The following VAV1 variants were observed in gnomAD, a reference collection of about 807,000 sequenced individuals.
VAV1 encodes vav guanine nucleotide exchange factor 1.
VAV1 carries 33 observed loss-of-function variants against 128.1 expected under a neutral mutation model. That is an observed-to-expected ratio of 0.26 (90% CI 0.20 to 0.34). The LOEUF (loss-of-function observed/expected upper bound fraction) is 0.34. Ranked by LOEUF, VAV1 falls within the 10% of genes least tolerant of loss-of-function variation. The pLI is 1.00. For synonymous variants in VAV1, 394 were observed against 409.8 expected, an observed-to-expected ratio of 0.96 and a Z score of 0.47; for missense variants, 715 against 1,093.7, an observed-to-expected ratio of 0.65 and a Z score of 4.88.
chr19:6,774,158 C>T (rs1970566406), intron 1 of VAV1, among the ~76,000 whole-genome samples: 2 of 152,246 alleles, frequency 1.3e-5, no homozygotes, highest in Non-Finnish European at 1.5e-5. Context: ...GACGGAGTCT[C>T]ACTCTGTCAC....
rs372820727 is a variant in VAV1, at chr19:6,794,096, G to T, written c.204+21085G>T. 9.2e-5 allele frequency among the ~76,000 whole-genome samples: 14 copies of T among 151,426 alleles called. 4 individuals are homozygous for T. The highest frequency in any genetic ancestry group is 3.4e-4 in the African/African-American group (14 of 41,106). On this transcript the variant is annotated intron_variant, in intron 1 of 26. Coordinates refer to ENST00000602142, the MANE Select transcript of VAV1 (RefSeq NM_005428.4). ...ATGATTTATTTACCAATAAACCAAC[G>T]GTAAATGATTTATTTACCAATAAAT...
intron 22 of VAV1, among the ~76,000 whole-genome samples, chr19:6,845,497 CA>C (rs1568316825): frequency 6.6e-6 from 1 of 151,826 alleles, no homozygotes; most frequent in Non-Finnish European, 1.5e-5. Context: ...TTCATATTTA[CA>C]TTTATATTAC....
chr19:6,783,441 G>C (rs1397421285), intron 1 of VAV1, among the ~76,000 whole-genome samples: 1 of 150,914 alleles, frequency 6.6e-6, no homozygotes, highest in African/African-American at 2.4e-5. Flanking sequence ...TCCCAGGCCA[G>C]GCCTGGAAGT....
chr19:6,856,875 G>GGTGTGT (rs138906534), intron 26 of VAV1, among the ~76,000 whole-genome samples, 179 bp from the exon 27 acceptor site: 3 of 149,110 alleles, frequency 2.0e-5, no homozygotes, highest in Non-Finnish European at 3.0e-5. Context: ...GGAGGTAATG[G>GGTGTGT]GTGTGTGTGT....
At chr19:6,835,196 T>C (rs1455354136) in intron 19 of VAV1, among the ~76,000 whole-genome samples, 1 of 125,802 alleles carries the variant, frequency 7.9e-6, no homozygotes, top group East Asian at 2.2e-4. Context: ...AATATATATA[T>C]GTGTATATAT....
rs528106816 is a variant in VAV1, at chr19:6,779,917, C to T, written c.204+6906C>T. ...ACAAGGTCAGGAGATCGAGACCATCCTGGCTAACACGGTGAAACCCCGTCT... is the reference window on the plus strand; with the variant it reads ...ACAAGGTCAGGAGATCGAGACCATCTTGGCTAACACGGTGAAACCCCGTCT... On this transcript the variant is annotated intron_variant, in intron 1 of 26. Transcript: ENST00000602142. 8.0e-5 allele frequency among the ~76,000 whole-genome samples: 12 copies of T among 149,508 alleles called. No individual in the cohort carries two copies. The East Asian group carries it at 9.8e-4, about 12-fold the overall frequency.
chr19:6,799,217 G>C (rs551733116), intron 1 of VAV1, among the ~76,000 whole-genome samples: 1 of 152,164 alleles, frequency 6.6e-6, no homozygotes, highest in African/African-American at 2.4e-5. Context: ...GCCCAGGCTG[G>C]AGTGCAGTGG....
At chr19:6,780,066 A>C (rs865833601) in intron 1 of VAV1, among the ~76,000 whole-genome samples, 7 of 72,242 alleles carry the variant, frequency 9.7e-5, no homozygotes, top group East Asian at 3.1e-4. Flanking sequence ...AGCCGAGATC[A>C]GGCCACTGCA....
At chr19:6,799,354 A>C (rs1001420076) in intron 1 of VAV1, among the ~76,000 whole-genome samples, 1 of 151,762 alleles carries the variant, frequency 6.6e-6, no homozygotes, top group Non-Finnish European at 1.5e-5. Flanking sequence ...ATTTTTAGTA[A>C]AGACAGGGTT....
At chr19:6,846,917 G>GT (rs533658535) in intron 22 of VAV1, among the ~76,000 whole-genome samples, 2,000 of 135,272 alleles carry the variant, frequency 0.015, 34 homozygotes, top group African/African-American at 0.042. Flanking sequence ...GTGGCTTTTT[G>GT]TTTTTTTTTT....
intron 1 of VAV1, among the ~76,000 whole-genome samples, chr19:6,800,792 TTGTGTGTG>T (rs34312529): frequency 1.4e-5 from 2 of 147,612 alleles, no homozygotes; most frequent in African/African-American, 2.5e-5. Context: ...TGGCAAATTT[TTGTGTGTG>T]TGTGTGTGTG....
chr19:6,835,827 A>T (rs1293003503), intron 19 of VAV1: 1 of 152,136 alleles, frequency 6.6e-6, no homozygotes, highest in African/African-American at 2.4e-5. Flanking sequence ...GATATTGTGT[A>T]TAAAGCTGCA....
chr19:6,779,216 C>G (rs1707305358), intron 1 of VAV1, among the ~76,000 whole-genome samples: 2 of 150,806 alleles, frequency 1.3e-5, no homozygotes, highest in South Asian at 2.1e-4. Flanking sequence ...CAATACCTGG[C>G]TAATTTTTTA....
At chr19:6,813,910 A>C (rs1329650637) in intron 1 of VAV1, among the ~76,000 whole-genome samples, 2 of 152,020 alleles carry the variant, frequency 1.3e-5, no homozygotes, top group Non-Finnish European at 2.9e-5. Context: ...TTAAAAAAAA[A>C]TTAGCCAGGT....
intron 21 of VAV1, among the ~76,000 whole-genome samples, chr19:6,837,512 C>T (rs565278148): frequency 3.0e-4 from 46 of 152,106 alleles, no homozygotes; most frequent in Admixed American, 2.6e-3. Context: ...TCAGATCTCT[C>T]CCTCTCTCCC....
chr19:6,839,610 C>G (rs1188261549), intron 21 of VAV1, among the ~76,000 whole-genome samples: 2 of 151,972 alleles, frequency 1.3e-5, no homozygotes, highest in Admixed American at 6.6e-5. Flanking sequence ...TGTTTTAGAA[C>G]TAGGTAGAGG....
intron 1 of VAV1, among the ~76,000 whole-genome samples, chr19:6,789,401 C>G (rs1181675950): frequency 7.9e-5 from 12 of 151,886 alleles, no homozygotes; most frequent in Non-Finnish European, 1.5e-5. Context: ...TATAGGTGCC[C>G]ACCACCATGC....
chr19:6,843,752 T>G (rs1198570648), intron 22 of VAV1, among the ~76,000 whole-genome samples: 1 of 152,198 alleles, frequency 6.6e-6, no homozygotes, highest in Admixed American at 6.5e-5. Flanking sequence ...TAATGAGGAC[T>G]TTATACAGCA....
intron 1 of VAV1, among the ~76,000 whole-genome samples, chr19:6,807,198 A>G (rs1412660060): frequency 6.6e-6 from 1 of 152,106 alleles, no homozygotes; most frequent in East Asian, 1.9e-4. Context: ...TGTTCCCTTT[A>G]TTTCTATTAT....
Sources: allele counts gnomAD v4.1 joint callset (sites outside exome capture counted in the v4.1 genomes callset), GRCh38; gene constraint gnomAD v4.1.1; transcripts MANE v1.5; gene names NCBI Gene and HGNC (gene_info 2026-07-23, HGNC 2026-07-21).